Variants in ROBO2 observed in about 807,000 individuals in gnomAD.
ROBO2 encodes the protein roundabout homolog 2.
ROBO2 carries 53 observed loss-of-function variants against 160.8 expected under a neutral mutation model. The ratio of observed to expected loss-of-function variants is 0.33; its 90% CI spans 0.26 to 0.41. ROBO2 has a LOEUF of 0.41. Ranked by LOEUF, ROBO2 falls within the 10% of genes least tolerant of loss-of-function variation. The pLI, the probability that ROBO2 is intolerant of heterozygous loss-of-function variation, is 1.00. For missense variants in ROBO2, 1,577 were observed against 1,722.4 expected, an observed-to-expected ratio of 0.92 and a Z score of 1.49; for synonymous variants, 664 against 611.7, an observed-to-expected ratio of 1.09 and a Z score of -1.26.
At chr3:77,098,384 T>A in intron 2 of ROBO2, 44 bp downstream of exon 2, 1 of 1,585,572 alleles carries the variant, frequency 6.3e-7, no homozygotes, top group Non-Finnish European at 8.7e-7. Flanking sequence ...TACTTTTATT[T>A]ATTTCAAGTA....
intron 2 of ROBO2, among the ~76,000 whole-genome samples, chr3:76,106,417 A>G (rs775293415): frequency 3.3e-5 from 5 of 152,176 alleles, no homozygotes; most frequent in Non-Finnish European, 7.4e-5. Context: ...ATAAGAAAAT[A>G]TACATGTATA....
At chr3:77,031,705 A>T (rs1417042463) in intron 2 of ROBO2, among the ~76,000 whole-genome samples, 1 of 147,060 alleles carries the variant, frequency 6.8e-6, no homozygotes, top group African/African-American at 2.5e-5. Flanking sequence ...AATATAATAC[A>T]TTATAATTAT....
At chr3:75,991,271 T>A (rs1330241680) in intron 2 of ROBO2, among the ~76,000 whole-genome samples, 1 of 152,082 alleles carries the variant, frequency 6.6e-6, no homozygotes, top group East Asian at 1.9e-4. Context: ...GTTGATATGG[T>A]TTGGGTGTGT....
chr3:77,141,064 A>T (rs2076661405), intron 2 of ROBO2, among the ~76,000 whole-genome samples: 1 of 152,238 alleles, frequency 6.6e-6, no homozygotes, highest in South Asian at 2.1e-4. Flanking sequence ...CAAGAAAGTT[A>T]TGACCCAATG....
At chr3:76,694,891 G>A (rs1689314429) in intron 2 of ROBO2, among the ~76,000 whole-genome samples, 1 of 152,012 alleles carries the variant, frequency 6.6e-6, no homozygotes, top group African/African-American at 2.4e-5. Context: ...ATCACCTGAG[G>A]TCAGGAGTTC....
At chr3:77,445,897 G>C (rs1344109976) in intron 2 of ROBO2, among the ~76,000 whole-genome samples, 1 of 151,088 alleles carries the variant, frequency 6.6e-6, no homozygotes, top group African/African-American at 2.4e-5. Context: ...TACTGTACAG[G>C]TGAAATAATT....
intron 2 of ROBO2, among the ~76,000 whole-genome samples, chr3:76,447,731 T>C (rs2077262962): frequency 1.3e-5 from 2 of 151,890 alleles, no homozygotes; most frequent in Admixed American, 6.6e-5. Context: ...GATGAGTTCA[T>C]GTCCTTTGTA....
chr3:76,023,260 C>A (rs1177573502), intron 2 of ROBO2, among the ~76,000 whole-genome samples: 1 of 151,682 alleles, frequency 6.6e-6, no homozygotes. Flanking sequence ...GTAGCACTTT[C>A]AATTACCTTC....
chr3:77,375,368 TAA>T (rs1281606542), intron 2 of ROBO2, among the ~76,000 whole-genome samples: 2 of 152,224 alleles, frequency 1.3e-5, no homozygotes, highest in Admixed American at 6.5e-5. Context: ...CTCACAGAAA[TAA>T]AGACAGAACA....
intron 2 of ROBO2, among the ~76,000 whole-genome samples, chr3:76,812,026 A>T (rs1311845650): frequency 2.0e-5 from 3 of 151,800 alleles, no homozygotes; most frequent in Non-Finnish European, 4.4e-5. Context: ...GCCCACCACC[A>T]TGCCCAGCTA....
At chr3:75,949,938 G>T (rs760308896) in intron 2 of ROBO2, among the ~76,000 whole-genome samples, 3 of 151,956 alleles carry the variant, frequency 2.0e-5, no homozygotes, top group Non-Finnish European at 4.4e-5. Context: ...CAAATGGCTT[G>T]TCCTTGAGAA....
At chr3:77,011,089 T>C (rs1021605524) in intron 2 of ROBO2, among the ~76,000 whole-genome samples, 1,313 of 91,120 alleles carry the variant, frequency 0.014, 8 homozygotes, top group Non-Finnish European at 0.019. Context: ...TTCTTTCTTT[T>C]TCTTTCTATC....
At chr3:76,520,857 C>T (rs1215458224) in intron 2 of ROBO2, among the ~76,000 whole-genome samples, 3 of 152,050 alleles carry the variant, frequency 2.0e-5, no homozygotes, top group Non-Finnish European at 4.4e-5. Context: ...CTGATTTTAG[C>T]GTCAGGCTTC....
chr3:76,118,868 T>C (rs2070593812), intron 2 of ROBO2, among the ~76,000 whole-genome samples: 1 of 152,178 alleles, frequency 6.6e-6, no homozygotes, highest in African/African-American at 2.4e-5. Context: ...ATGGGCACCG[T>C]TTAATTAAAA....
At chr3:75,998,018 T>C (rs896826562) in intron 2 of ROBO2, among the ~76,000 whole-genome samples, 1 of 152,346 alleles carries the variant, frequency 6.6e-6, no homozygotes, top group African/African-American at 2.4e-5. Flanking sequence ...TTCATTAATT[T>C]ATAAAACTCT....
intron 2 of ROBO2, among the ~76,000 whole-genome samples, chr3:76,480,403 C>T (rs748331326): frequency 3.3e-5 from 5 of 152,064 alleles, no homozygotes; most frequent in South Asian, 2.1e-4. Context: ...CTCATATAGA[C>T]GTCTAAGGAG....
intron 2 of ROBO2, among the ~76,000 whole-genome samples, chr3:76,980,751 G>GT (rs931241613): frequency 1.3e-4 from 20 of 151,940 alleles, no homozygotes; most frequent in African/African-American, 3.9e-4. Flanking sequence ...ACAAATCAAT[G>GT]TTTTTTATTA....
chr3:76,260,904 C>T (rs943067324), intron 2 of ROBO2, among the ~76,000 whole-genome samples: 67 of 151,816 alleles, frequency 4.4e-4, no homozygotes, highest in African/African-American at 1.4e-3. Context: ...TATTTTTTTC[C>T]TGTTTCCAAT....
At chr3:77,396,883 T>G (rs1270738724) in intron 2 of ROBO2, among the ~76,000 whole-genome samples, 1 of 152,130 alleles carries the variant, frequency 6.6e-6, no homozygotes, top group African/African-American at 2.4e-5. Context: ...ACAATTATTG[T>G]TTTTCATTTG....
Sources: gnomAD v4.1 joint callset for allele counts (sites outside exome capture counted in the v4.1 genomes callset) on GRCh38, gnomAD v4.1.1 for gene constraint, MANE v1.5 for transcripts, NCBI Gene and HGNC (gene_info 2026-07-23, HGNC 2026-07-21) for gene names.